The following CRB1 variants were observed in gnomAD, a reference collection of about 807,000 sequenced individuals.
The protein encoded by CRB1 is crumbs cell polarity complex component 1.
Under a neutral mutation model 120.0 loss-of-function variants are expected in CRB1, and 83 were observed. The ratio of observed to expected loss-of-function variants is 0.69; its 90% CI spans 0.58 to 0.83. The LOEUF (loss-of-function observed/expected upper bound fraction) is 0.83, where lower values mean the gene tolerates loss of function less well. CRB1 is among the 40% of genes least tolerant of loss of function. CRB1 has a pLI of 0.00. For synonymous variants in CRB1, 625 were observed against 612.5 expected (o/e 1.02, Z -0.30); for missense variants, 1,699 against 1,687.6 (o/e 1.01, Z -0.12).
intron 1 of CRB1, among the ~76,000 whole-genome samples, chr1:197,283,397 G>A (rs1337505641): frequency 2.0e-5 from 3 of 151,406 alleles, no homozygotes; most frequent in Non-Finnish European, 2.9e-5. Context: ...TCCCCCTCCC[G>A]CCCTTTCCTG....
rs780611058 is a variant in CRB1 at position 197,328,901 on chromosome 1, G to A, written c.550G>A (p.Asp184Asn). The change falls in exon 2 of 12, where the codon GAC becomes AAC. Residue 184 changes from aspartate to asparagine, a missense_variant. Asp to Asn is a conservative substitution (Grantham distance 23). Coordinates refer to ENST00000367400, the MANE Select transcript of CRB1 (RefSeq NM_201253.3). ...CVPGYQGRHC[D>N]LEVDECASDP... Reference sequence around the variant, plus strand: ...CCCAGGATATCAAGGCAGACACTGCGACTTGGAAGTGGATGAATGTGCTTC... The same window carrying A: ...CCCAGGATATCAAGGCAGACACTGCAACTTGGAAGTGGATGAATGTGCTTC... The A allele has an allele frequency of 1.5e-5, 24 of 1,614,110 alleles. No homozygotes were observed. The Middle Eastern group carries it at 4.9e-4, about 33-fold the overall frequency.
chr1:197,341,521 T>A (rs1176608748), intron 2 of CRB1, among the ~76,000 whole-genome samples: 1 of 151,292 alleles, frequency 6.6e-6, no homozygotes, highest in Non-Finnish European at 1.5e-5. Flanking sequence ...CAAAGTGAGA[T>A]GAGTGAGACT....
chr1:197,435,131 A>G lies in CRB1; in HGVS notation c.3268A>G (p.Ile1090Val), dbSNP rs1665080334. ...IYVGDRAIDN[I>V]KGLQGCLSTI... ...TGTGGGAGACAGAGCTATTGACAAT[A>G]TAAAGGGCCTGCAAGGGTGTCTAAG... The change falls in exon 9 of 12, where the codon ATA becomes GTA. Residue 1090 changes from isoleucine to valine, a missense_variant. Transcript: ENST00000367400. 1 of 1,613,952 alleles carries G rather than the reference A, an allele frequency of 6.2e-7. No homozygotes were observed. Among genetic ancestry groups the G allele is most frequent in the East Asian group, 2.2e-5 (1 of 44,882 alleles).
chr1:197,233,201 G>A, the CRB1 span, among the ~76,000 whole-genome samples: 2 of 152,118 alleles, frequency 1.3e-5, no homozygotes, highest in Non-Finnish European at 1.5e-5. Context: ...AAAAGTTGCA[G>A]AATTGGTGAT....
At chr1:197,348,637 C>T (rs569700826) in intron 4 of CRB1, among the ~76,000 whole-genome samples, 142 of 152,088 alleles carry the variant, frequency 9.3e-4, no homozygotes, top group African/African-American at 3.1e-3. Context: ...CCACCATGCC[C>T]GGCTAATTTT....
At chr1:197,469,698 T>C (rs1242355428) in intron 11 of CRB1, among the ~76,000 whole-genome samples, 1 of 152,176 alleles carries the variant, frequency 6.6e-6, no homozygotes, top group Non-Finnish European at 1.5e-5. Flanking sequence ...GCCAAGCTAA[T>C]GTCCAGTAGT....
At chr1:197,221,879 T>C in the CRB1 span, among the ~76,000 whole-genome samples, 1 of 152,160 alleles carries the variant, frequency 6.6e-6, no homozygotes, top group African/African-American at 2.4e-5. Flanking sequence ...ATGACAAGAA[T>C]AGGTGATGCT....
Position 197,453,898 on chromosome 1 carries a change from ATAT to A in CRB1, c.4005+11612_4005+11614del, listed in dbSNP as rs1302966047. ...AATAATATATATTATTAATATTATT[ATAT>A]TATTAATATATATTATTGATATTAT... is the stretch of plus-strand genomic sequence containing the variant. On this transcript the variant is annotated intron_variant, in intron 11 of 11. Coordinates refer to ENST00000367400, the MANE Select transcript of CRB1 (RefSeq NM_201253.3). Among the ~76,000 whole-genome samples, 59 of 117,234 alleles carry A rather than the reference ATAT, an allele frequency of 5.0e-4. 1 individual carries two copies. Among genetic ancestry groups the A allele is most frequent in the African/African-American group, 1.6e-3 (53 of 33,840 alleles). The allele number at this position is 117,234 out of a possible 152,430, so 76.9% of individuals were successfully genotyped here. A position where few individuals can be genotyped will look rare whatever the true frequency, so the allele number is the denominator to read the frequency against.
Position 197,427,979 on chromosome 1 carries a change from G to A in CRB1, c.2654G>A (p.Cys885Tyr). 1 of 1,613,858 alleles carries A rather than the reference G, an allele frequency of 6.2e-7. No homozygotes were observed. Among genetic ancestry groups the A allele is most frequent in the Non-Finnish European group, 8.5e-7 (1 of 1,179,928 alleles). The change falls in exon 7 of 12, where the codon TGT becomes TAT. Residue 885 changes from cysteine (C) to tyrosine (Y), a missense_variant. Transcript: ENST00000367400. ...NPVLVNVTQG[C>Y]AGDNSCKSNP... is the part of the protein sequence containing the mutation. ...GTTCTTGTCAATGTAACCCAAGGCT[G>A]TGCTGGAGACAACAGCTGCAAGGTA...
intron 11 of CRB1, among the ~76,000 whole-genome samples, chr1:197,471,777 A>G (rs1195086584): frequency 1.3e-5 from 2 of 152,222 alleles, no homozygotes; most frequent in Non-Finnish European, 2.9e-5. Flanking sequence ...CACATATTCA[A>G]TATTACTATG....
chr1:197,338,707 T>C (rs1190127225), intron 2 of CRB1, among the ~76,000 whole-genome samples: 1 of 152,108 alleles, frequency 6.6e-6, no homozygotes, highest in Non-Finnish European at 1.5e-5. Flanking sequence ...AAAGCAAAAC[T>C]TGTAGAAACA....
Position 197,477,748 on chromosome 1 carries a change from G to A in CRB1, c.4090G>A (p.Val1364Ile). 1.2e-6 allele frequency: 2 copies of A among 1,613,854 alleles called. No homozygotes were observed. The highest frequency in any genetic ancestry group is 8.5e-7 in the Non-Finnish European group (1 of 1,179,892). Residue 1364 changes from valine (V) to isoleucine (I), a missense_variant, in exon 12 of 12, where the codon GTT becomes ATT. By Grantham distance (29) the Val-to-Ile change is conservative. Transcript: ENST00000367400. Reference protein sequence around the residue: ...ALLLILLLAIVASVVTSNKRA... With the variant: ...ALLLILLLAIIASVVTSNKRA... ...GTTACTGATCCTCTTGCTGGCCATT[G>A]TTGCTTCTGTTGTCACCTCCAACAA...
the CRB1 span, among the ~76,000 whole-genome samples, chr1:197,252,779 C>G: frequency 6.6e-6 from 1 of 150,940 alleles, no homozygotes; most frequent in Non-Finnish European, 1.5e-5. Flanking sequence ...AGCTCAAGTC[C>G]GAAGGCCAGA....
rs1321744137 is a variant in CRB1, at chr1:197,463,032, C to T, written c.4006-14632C>T. 2.6e-5 allele frequency among the ~76,000 whole-genome samples: 4 copies of T among 152,226 alleles called. No individual in the cohort carries two copies. In the East Asian group the frequency reaches 7.7e-4, roughly 29 times the overall value. The stretch of plus-strand genomic sequence containing the variant: ...GCACTGAAACAGCTACCTTCTTAAT[C>T]ATCGCCTGATGATATTGTGTTGAAA... On this transcript the variant is annotated intron_variant, in intron 11 of 11. Coordinates refer to ENST00000367400, the MANE Select transcript of CRB1 (RefSeq NM_201253.3).
At chr1:197,229,664 G>T in the CRB1 span, among the ~76,000 whole-genome samples, 2 of 152,024 alleles carry the variant, frequency 1.3e-5, no homozygotes, top group Non-Finnish European at 2.9e-5. Flanking sequence ...ATGTCTACGT[G>T]CACTCAATAT....
chr1:197,331,344 T>C (rs1468678493), intron 2 of CRB1, among the ~76,000 whole-genome samples: 1 of 152,212 alleles, frequency 6.6e-6, no homozygotes, highest in African/African-American at 2.4e-5. Flanking sequence ...TTGTATTATT[T>C]TATGTATACT....
At chr1:197,448,000 A>C (rs1290183400) in intron 11 of CRB1, among the ~76,000 whole-genome samples, 4 of 152,140 alleles carry the variant, frequency 2.6e-5, no homozygotes, top group Non-Finnish European at 5.9e-5. Context: ...TAGATTTTTC[A>C]ATTTTAAATT....
intron 5 of CRB1, among the ~76,000 whole-genome samples, chr1:197,366,627 G>A (rs976492484): frequency 6.6e-6 from 1 of 152,168 alleles, no homozygotes; most frequent in Non-Finnish European, 1.5e-5. Context: ...TAGAAATAGA[G>A]AGAGCATGAG....
intron 11 of CRB1, among the ~76,000 whole-genome samples, chr1:197,468,644 C>G (rs16841553): frequency 0.037 from 5,573 of 152,192 alleles, 351 homozygotes; most frequent in African/African-American, 0.13. Context: ...AACAAATAGT[C>G]ATGCCTTACA....
Sources: gnomAD v4.1 joint callset for allele counts (sites outside exome capture counted in the v4.1 genomes callset) on GRCh38, gnomAD v4.1.1 for gene constraint, MANE v1.5 for transcripts, NCBI Gene and HGNC (gene_info 2026-07-23, HGNC 2026-07-21) for gene names.